The following CNOT2 variants were observed in gnomAD, a reference collection of about 807,000 sequenced individuals.
CNOT2 encodes the protein CC chemokine receptor 4-negative regulator of transcription 2.
CNOT2 carries 7 observed loss-of-function variants against 72.1 expected under a neutral mutation model. That is an observed-to-expected ratio of 0.10 (90% CI 0.06 to 0.18). The LOEUF is 0.18. Among genes scored for constraint, CNOT2 ranks in the 10% least tolerant of loss-of-function variants. CNOT2 has a pLI of 1.00. For missense variants in CNOT2, 345 were observed against 660.3 expected (o/e 0.52, Z 5.23); for synonymous variants, 196 against 225.6 (o/e 0.87, Z 1.17).
intron 2 of CNOT2, among the ~76,000 whole-genome samples, chr12:70,279,994 T>C (rs1428765851): frequency 1.3e-5 from 2 of 152,190 alleles, no homozygotes; most frequent in African/African-American, 2.4e-5. Context: ...TCTTCGTTTA[T>C]TGATACATAA....
At chr12:70,255,087 A>C (rs538710555) in intron 1 of CNOT2, among the ~76,000 whole-genome samples, 1 of 151,934 alleles carries the variant, frequency 6.6e-6, no homozygotes, top group African/African-American at 2.4e-5. Context: ...AGATTCTGCT[A>C]TGTTCATCGG....
intron 2 of CNOT2, among the ~76,000 whole-genome samples, chr12:70,291,723 G>T (rs528965991): frequency 6.6e-5 from 10 of 152,176 alleles, no homozygotes; most frequent in Admixed American, 1.3e-4. Flanking sequence ...AGATCACCAG[G>T]TCAGGAGATC....
chr12:70,338,679 C>T lies in CNOT2; in HGVS notation c.1035C>T (p.Asn345=), dbSNP rs752671544. 8 of 1,612,906 alleles carry T rather than the reference C, an allele frequency of 5.0e-6. No homozygotes were observed. Among genetic ancestry groups the T allele is most frequent in the Non-Finnish European group, 6.8e-6 (8 of 1,179,426 alleles). The change falls in exon 11 of 16, where the codon AAC becomes AAT. Residue 345 remains asparagine (N), a synonymous_variant. Transcript: ENST00000229195. The part of the protein sequence containing the change: ...IQVLPDGRVT[N]IPQGMVTDQF... Reference sequence around the variant, plus strand: ...TTTCCTACCCAGGTCGGGTTACTAACATTCCTCAAGGGATGGTGACGGACC... The same window carrying T: ...TTTCCTACCCAGGTCGGGTTACTAATATTCCTCAAGGGATGGTGACGGACC...
chr12:70,258,384 T>C (rs868625796), intron 1 of CNOT2, among the ~76,000 whole-genome samples: 1 of 152,248 alleles, frequency 6.6e-6, no homozygotes, highest in African/African-American at 2.4e-5. Flanking sequence ...TAAGATGTTA[T>C]GTTAAAATCA....
At chr12:70,311,305 T>C (rs2135957190) in intron 3 of CNOT2, among the ~76,000 whole-genome samples, 1 of 152,158 alleles carries the variant, frequency 6.6e-6, no homozygotes, top group African/African-American at 2.4e-5. Flanking sequence ...GATCACTGAT[T>C]TTTTTTGTTT....
chr12:70,305,945 G>T (rs1875286175), intron 2 of CNOT2, among the ~76,000 whole-genome samples: 2 of 111,206 alleles, frequency 1.8e-5, no homozygotes, highest in Non-Finnish European at 3.4e-5. Context: ...TTGAAATACT[G>T]TATTTAAATG....
chr12:70,301,807 C>T lies in CNOT2; in HGVS notation c.49-9088C>T, dbSNP rs547009373. 682 of 152,346 alleles carry T rather than the reference C, an allele frequency of 4.5e-3. 2 individuals carry two copies. The highest frequency in any genetic ancestry group is 6.8e-3 in the Middle Eastern group (2 of 294). The allele number at this position is 152,346 out of a possible 1,614,324, so 9.4% of individuals were successfully genotyped here. ...TTCAGAAGGAATGGTACCAGCTCCT[C>T]CTTGTACCTCTGGTAGAATTCGGCT... On this transcript the variant is annotated intron_variant, in intron 2 of 15. Coordinates refer to ENST00000229195, the MANE Select transcript of CNOT2 (RefSeq NM_014515.7).
At chr12:70,257,071 A>G (rs1958490767) in intron 1 of CNOT2, among the ~76,000 whole-genome samples, 1 of 152,188 alleles carries the variant, frequency 6.6e-6, no homozygotes, top group South Asian at 2.1e-4. Flanking sequence ...TGTGATGAAC[A>G]TTCTTGTACC....
rs1266944686 is a variant in CNOT2 at position 70,294,222 on chromosome 12, C to T, written c.48+15948C>T. 3.1e-6 allele frequency: 4 copies of T among 1,289,328 alleles called. No homozygotes were observed. In the Admixed American group the frequency reaches 9.2e-5, roughly 30 times the overall value. The allele number at this position is 1,289,328 out of a possible 1,614,324, so 79.9% of individuals were successfully genotyped here. On this transcript the variant is annotated intron_variant, in intron 2 of 15. Coordinates refer to ENST00000229195, the MANE Select transcript of CNOT2 (RefSeq NM_014515.7). ...TGCCATGGCTCACCCTCCAACCTTT[C>T]CTTCTTCACTTCAGCCTCCAGCTCT...
intron 1 of CNOT2, among the ~76,000 whole-genome samples, chr12:70,277,612 G>A (rs994192900): frequency 1.3e-5 from 2 of 152,066 alleles, no homozygotes; most frequent in South Asian, 2.1e-4. Context: ...TCTCTTAATC[G>A]TGTTAAGAAT....
At chr12:70,266,018 TA>T (rs34379204) in intron 1 of CNOT2, among the ~76,000 whole-genome samples, 3 of 148,436 alleles carry the variant, frequency 2.0e-5, no homozygotes, top group Admixed American at 6.9e-5. Flanking sequence ...TTTTTTTTTT[TA>T]AAAGAACTAA....
At chr12:70,319,159 ATGTT>A (rs3049212) in intron 3 of CNOT2, 135 bp from the exon 4 acceptor site, 31,756 of 613,440 alleles carry the variant, frequency 0.052, 1,237 homozygotes, top group Admixed American at 0.13. Context: ...ATATTATAGA[ATGTT>A]TGTTTTATGT....
At chr12:70,316,358 C>T (rs1043166083) in intron 3 of CNOT2, among the ~76,000 whole-genome samples, 2 of 152,080 alleles carry the variant, frequency 1.3e-5, no homozygotes, top group Non-Finnish European at 2.9e-5. Context: ...ATTTCTTGTG[C>T]ATTTTCTATA....
intron 15 of CNOT2, among the ~76,000 whole-genome samples, chr12:70,350,245 G>T (rs1882708339): frequency 6.6e-6 from 1 of 152,094 alleles, no homozygotes; most frequent in Admixed American, 6.6e-5. Flanking sequence ...CTTTCTCAAA[G>T]ACTTAAAATT....
intron 3 of CNOT2, among the ~76,000 whole-genome samples, chr12:70,312,641 CATTA>C (rs1320043294): frequency 6.6e-6 from 1 of 151,788 alleles, no homozygotes; most frequent in Non-Finnish European, 1.5e-5. Flanking sequence ...TTTAAAAAAA[CATTA>C]ATTAAGAACA....
At chr12:70,338,262 G>C (rs971940318) in intron 9 of CNOT2, 181 bp from the exon 10 acceptor site, 6 of 491,956 alleles carry the variant, frequency 1.2e-5, no homozygotes, top group African/African-American at 2.0e-5. Context: ...GGATGATATA[G>C]GATTTATTTG....
At chr12:70,285,351 G>C (rs1321492249) in intron 2 of CNOT2, 1 of 151,158 alleles carries the variant, frequency 6.6e-6, no homozygotes, top group East Asian at 1.9e-4. Flanking sequence ...CTGGGACTAA[G>C]GTGCCCACCA....
chr12:70,281,165 A>C (rs1593111998), intron 2 of CNOT2, among the ~76,000 whole-genome samples: 1 of 150,570 alleles, frequency 6.6e-6, no homozygotes, highest in African/African-American at 2.4e-5. Flanking sequence ...GCTCACTGCA[A>C]CCTCCGCCTC....
At chr12:70,338,888 A>G (rs1881065164) in intron 11 of CNOT2, 66 bp downstream of exon 11, 2 of 1,332,906 alleles carry the variant, frequency 1.5e-6, no homozygotes, top group Non-Finnish European at 2.1e-6. Context: ...TTTTAATATC[A>G]TGTCATCAAA....
Sources: allele counts gnomAD v4.1 joint callset (sites outside exome capture counted in the v4.1 genomes callset), GRCh38; gene constraint gnomAD v4.1.1; transcripts MANE v1.5; gene names NCBI Gene and HGNC (gene_info 2026-07-23, HGNC 2026-07-21).